NEK10: variants seen among roughly 807,000 people sequenced by gnomAD.
NEK10 encodes the protein serine/threonine-protein kinase Nek10.
In NEK10, 122 loss-of-function variants were observed where a neutral mutation model predicts 159.8. That is an observed-to-expected ratio of 0.76 (90% confidence interval 0.66 to 0.89). The LOEUF (loss-of-function observed/expected upper bound fraction) is 0.89, where lower values mean the gene tolerates loss of function less well. Among genes scored for constraint, NEK10 ranks in the 40% least tolerant of loss-of-function variants. NEK10 has a pLI of 0.00. For missense variants in NEK10, 1,342 were observed against 1,323.1 expected (o/e 1.01, Z -0.22); for synonymous variants, 466 against 457.1 (o/e 1.02, Z -0.25).
chr3:27,196,371 AGCTGAATAAAGCCC>A (rs1355285226), intron 25 of NEK10, among the ~76,000 whole-genome samples: 2 of 152,344 alleles, frequency 1.3e-5, no homozygotes, highest in African/African-American at 4.8e-5. Flanking sequence ...CGGTGCTCCC[AGCTGAATAAAGCCC>A]TTTCCTTCTA....
rs190130750 is a variant in NEK10, at chr3:27,253,841, A to G, written c.2090+2455T>C. ...AATAAGAATTATAGAATTACAAAAA[A>G]ATTCTAGAATGTCGGGACCCTAGCC... is the stretch of plus-strand genomic sequence containing the variant. On this transcript the variant is annotated intron_variant, in intron 23 of 35. Transcript: ENST00000691995. Among the ~76,000 whole-genome samples the G allele has an allele frequency of 3.3e-5, 5 of 152,254 alleles. No individual in the cohort carries two copies. The East Asian group carries it at 9.7e-4, about 29-fold the overall frequency.
At chr3:27,174,907 A>G (rs1947359627) in intron 26 of NEK10, 74 bp from the exon 27 acceptor site, 1 of 1,198,650 alleles carries the variant, frequency 8.3e-7, no homozygotes, top group Middle Eastern at 2.0e-4. Flanking sequence ...TCTTGTTAGA[A>G]CATATATTAA....
chr3:27,347,520 A>G (rs1401692010), intron 3 of NEK10, among the ~76,000 whole-genome samples: 1 of 151,558 alleles, frequency 6.6e-6, no homozygotes, highest in Non-Finnish European at 1.5e-5. Flanking sequence ...AAAAAAAAAA[A>G]AAAAAAAAAG....
intron 23 of NEK10, chr3:27,252,242 G>T: frequency 2.0e-6 from 1 of 499,638 alleles, no homozygotes; most frequent in Non-Finnish European, 4.0e-6. Flanking sequence ...AAAAAATAAA[G>T]CAGTCTGAAG....
intron 33 of NEK10, 64 bp from the exon 34 acceptor site, chr3:27,116,191 T>C (rs1015242503): frequency 1.4e-6 from 2 of 1,458,490 alleles, no homozygotes; most frequent in Admixed American, 3.5e-5. Flanking sequence ...TATTCTTTAC[T>C]GGCAATTATG....
intron 32 of NEK10, among the ~76,000 whole-genome samples, chr3:27,124,149 A>G (rs548608000): frequency 2.0e-5 from 3 of 152,128 alleles, no homozygotes; most frequent in Non-Finnish European, 4.4e-5. Context: ...TCCTACAAGT[A>G]AGGGGGGCCT....
At chr3:27,248,882 T>C (rs1258294896) in intron 23 of NEK10, among the ~76,000 whole-genome samples, 1 of 152,198 alleles carries the variant, frequency 6.6e-6, no homozygotes, top group African/African-American at 2.4e-5. Context: ...TGGTCTACAG[T>C]GCAGATTAAG....
rs995550347 is a variant in NEK10, at chr3:27,278,844, A to G, written c.2014+5758T>C. ...GAGTCATTTTGTAATGTGATGGCAC[A>G]ATATGGACCTTATTTGGCAAGTGAC... On this transcript the variant is annotated intron_variant, in intron 22 of 35. Coordinates refer to ENST00000691995, the MANE Select transcript of NEK10 (RefSeq NM_001394966.1). 1.8e-5 allele frequency: 18 copies of G among 984,960 alleles called. No homozygotes were observed. In the Admixed American group the frequency reaches 1.8e-4, roughly 10 times the overall value. 61.0% of individuals were successfully genotyped at this position (984,960 alleles called of 1,614,324 possible).
chr3:27,354,588 C>A (rs1310239223), intron 1 of NEK10, among the ~76,000 whole-genome samples: 1 of 152,218 alleles, frequency 6.6e-6, no homozygotes, highest in East Asian at 1.9e-4. Context: ...AATAGTTAAC[C>A]TAATCCCATT....
chr3:27,354,123 G>T (rs2048163967), intron 1 of NEK10, among the ~76,000 whole-genome samples: 1 of 152,134 alleles, frequency 6.6e-6, no homozygotes, highest in Non-Finnish European at 1.5e-5. Flanking sequence ...ACACTGTCCT[G>T]CTGTTGGCTT....
chr3:27,282,315 T>C (rs565933750), intron 22 of NEK10, among the ~76,000 whole-genome samples: 11 of 151,976 alleles, frequency 7.2e-5, no homozygotes, highest in Middle Eastern at 3.4e-3. Context: ...TGATGCGTGA[T>C]AATGATTAAA....
intron 6 of NEK10, among the ~76,000 whole-genome samples, chr3:27,320,876 C>G (rs958197356): frequency 1.3e-5 from 2 of 152,188 alleles, no homozygotes; most frequent in African/African-American, 4.8e-5. Context: ...AAAATACTTT[C>G]TCAAATGCCA....
chr3:27,233,136 A>C (rs1160460338), intron 23 of NEK10, among the ~76,000 whole-genome samples: 1 of 152,154 alleles, frequency 6.6e-6, no homozygotes, highest in African/African-American at 2.4e-5. Flanking sequence ...TTCACAAACT[A>C]TACATCCAAC....
At chr3:27,230,900 T>C (rs1036936251) in intron 23 of NEK10, among the ~76,000 whole-genome samples, 1 of 151,972 alleles carries the variant, frequency 6.6e-6, no homozygotes, top group African/African-American at 2.4e-5. Flanking sequence ...AAAAATGAGA[T>C]AGATAGCAAC....
At chr3:27,184,304 GA>G (rs36070999) in intron 26 of NEK10, among the ~76,000 whole-genome samples, 1 of 152,184 alleles carries the variant, frequency 6.6e-6, no homozygotes, top group African/African-American at 2.4e-5. Flanking sequence ...TTTTGTCATG[GA>G]AAAAAAGCCA....
intron 5 of NEK10, among the ~76,000 whole-genome samples, chr3:27,335,381 A>C (rs1337615769): frequency 1.3e-5 from 2 of 151,878 alleles, no homozygotes; most frequent in African/African-American, 2.4e-5. Flanking sequence ...ATCTAAAGAG[A>C]GAGATAGACT....
At chr3:27,183,408 C>CA (rs1559566441) in intron 26 of NEK10, among the ~76,000 whole-genome samples, 1 of 147,568 alleles carries the variant, frequency 6.8e-6, no homozygotes, top group Non-Finnish European at 1.5e-5. Context: ...AAAAAAAAAA[C>CA]CAAAAAGTCA....
At chr3:27,251,522 T>G (rs1465222072) in intron 23 of NEK10, among the ~76,000 whole-genome samples, 1 of 152,172 alleles carries the variant, frequency 6.6e-6, no homozygotes, top group Non-Finnish European at 1.5e-5. Flanking sequence ...GGCCATGTGA[T>G]ATGCCTGCTC....
At chr3:27,341,196 G>C (rs2047177909) in intron 5 of NEK10, among the ~76,000 whole-genome samples, 1 of 152,120 alleles carries the variant, frequency 6.6e-6, no homozygotes, top group Non-Finnish European at 1.5e-5. Context: ...CAGAGTCCAG[G>C]AAGGGTGGGT....
Sources: allele counts gnomAD v4.1 joint callset (sites outside exome capture counted in the v4.1 genomes callset), GRCh38; gene constraint gnomAD v4.1.1; transcripts MANE v1.5; gene names NCBI Gene and HGNC (gene_info 2026-07-23, HGNC 2026-07-21).